The following RABGAP1L variants were observed in gnomAD, a reference collection of about 807,000 sequenced individuals.
RABGAP1L encodes RAB GTPase activating protein 1 like, also known as rab GTPase-activating protein 1-like.
In RABGAP1L, 63 loss-of-function variants were observed where a neutral mutation model predicts 137.7. The observed-to-expected ratio is 0.46, with a 90% CI of 0.37 to 0.56. The LOEUF is 0.56. Among genes scored for constraint, RABGAP1L ranks in the 20% least tolerant of loss-of-function variants. The pLI, the probability that RABGAP1L is intolerant of heterozygous loss-of-function variation, is 0.00. For missense variants in RABGAP1L, 1,095 were observed against 1,244.0 expected, an observed-to-expected ratio of 0.88 and a Z score of 1.80; for synonymous variants, 431 against 433.7, an observed-to-expected ratio of 0.99 and a Z score of 0.08.
At chr1:174,799,407 T>G (rs1688528890) in intron 18 of RABGAP1L, among the ~76,000 whole-genome samples, 1 of 152,220 alleles carries the variant, frequency 6.6e-6, no homozygotes, top group Non-Finnish European at 1.5e-5. Context: ...TAATAAGGAT[T>G]GGAACATCCC....
chr1:174,231,361 C>G lies in RABGAP1L; in HGVS notation c.542+6C>G. On this transcript the variant is annotated splice_donor_region_variant and intron_variant, in intron 4 of 25. Coordinates refer to ENST00000681986, the MANE Select transcript of RABGAP1L (RefSeq NM_001366446.1). ...GTTCCAGAAGGTTCTGTGAGGTAAG[C>G]TCTAATTTGTTTTTCTTTAGACACA... The G allele has an allele frequency of 6.2e-7, 1 of 1,611,600 alleles. No homozygotes were observed.
At chr1:174,546,508 C>G (rs1358523783) in intron 13 of RABGAP1L, among the ~76,000 whole-genome samples, 1 of 152,148 alleles carries the variant, frequency 6.6e-6, no homozygotes, top group Non-Finnish European at 1.5e-5. Context: ...AGATAACACC[C>G]AGTTCTGTAC....
intron 19 of RABGAP1L, among the ~76,000 whole-genome samples, chr1:174,848,808 C>T (rs1178740002): frequency 2.6e-4 from 40 of 151,272 alleles, no homozygotes; most frequent in Admixed American, 2.6e-3. Flanking sequence ...TGGGCAATGG[C>T]GGGCGCCCCT....
intron 15 of RABGAP1L, among the ~76,000 whole-genome samples, chr1:174,698,642 C>T (rs1679427738): frequency 6.6e-6 from 1 of 151,644 alleles, no homozygotes; most frequent in Non-Finnish European, 1.5e-5. Flanking sequence ...AGCTATAGTA[C>T]TTTTATATAA....
chr1:174,702,713 G>C (rs1679750649), intron 17 of RABGAP1L, among the ~76,000 whole-genome samples: 1 of 152,014 alleles, frequency 6.6e-6, no homozygotes, highest in Admixed American at 6.6e-5. Flanking sequence ...GAAATGATGA[G>C]ACAAATGATA....
intron 1 of RABGAP1L, among the ~76,000 whole-genome samples, chr1:174,201,394 C>G (rs1050744371): frequency 2.6e-5 from 4 of 151,878 alleles, no homozygotes; most frequent in Admixed American, 2.6e-4. Flanking sequence ...GATGGAGTTT[C>G]ACCATGTTGG....
intron 17 of RABGAP1L, among the ~76,000 whole-genome samples, chr1:174,743,578 CCCT>C (rs1394227353): frequency 6.6e-6 from 1 of 151,954 alleles, no homozygotes; most frequent in Non-Finnish European, 1.5e-5. Flanking sequence ...TCAACAAACC[CCCT>C]ATGTCACAAG....
rs1423880857 is a variant in RABGAP1L, at chr1:174,448,987, C to T, written c.1710+54842C>T. 1.9e-6 allele frequency: 3 copies of T among 1,613,348 alleles called. No individual in the cohort carries two copies. Among genetic ancestry groups the T allele is most frequent in the Non-Finnish European group, 2.5e-6 (3 of 1,179,428 alleles). On this transcript the variant is annotated intron_variant, in intron 13 of 25. Coordinates refer to ENST00000681986, the MANE Select transcript of RABGAP1L (RefSeq NM_001366446.1). The surrounding 1 kb of genome is among the most constrained non-coding windows in gnomAD (Gnocchi z 4.2). Reference sequence around the variant, plus strand: ...ACTTTCTTCTAGAAAGCTCCCGGGTCTTGGACAATCCAACTCTGTCCTTCT... The same window carrying T: ...ACTTTCTTCTAGAAAGCTCCCGGGTTTTGGACAATCCAACTCTGTCCTTCT...
chr1:174,743,881 C>T (rs1276949508), intron 17 of RABGAP1L, among the ~76,000 whole-genome samples: 1 of 151,436 alleles, frequency 6.6e-6, no homozygotes, highest in East Asian at 1.9e-4. Context: ...ATTCACTAGT[C>T]ATTTATGAAA....
At chr1:174,731,760 AC>A (rs1682496768) in intron 17 of RABGAP1L, among the ~76,000 whole-genome samples, 2 of 152,228 alleles carry the variant, frequency 1.3e-5, no homozygotes, top group Admixed American at 6.5e-5. Flanking sequence ...TGGTTTTCAG[AC>A]TGTGTCATGG....
rs1280581996 is a variant in RABGAP1L, at chr1:174,631,795, G to A, written c.1711-5580G>A. Among the ~76,000 whole-genome samples, 388 of 150,626 alleles carry A rather than the reference G, an allele frequency of 2.6e-3. 1 individual carries two copies. The highest frequency in any genetic ancestry group is 8.4e-3 in the African/African-American group (342 of 40,888). On this transcript the variant is annotated intron_variant, in intron 13 of 25. Coordinates refer to ENST00000681986, the MANE Select transcript of RABGAP1L (RefSeq NM_001366446.1). ...TTTGAGCCTATGTATGTCTCTGCAC[G>A]TGAGATGGGTTTCCTGAATACAGCA...
chr1:174,642,483 A>G (rs986751341), intron 14 of RABGAP1L, among the ~76,000 whole-genome samples: 3 of 152,110 alleles, frequency 2.0e-5, no homozygotes, highest in African/African-American at 7.2e-5. Context: ...CATAGGGGGT[A>G]TTTGTGATTA....
chr1:174,303,776 T>G (rs537545073), intron 10 of RABGAP1L, among the ~76,000 whole-genome samples: 7 of 152,284 alleles, frequency 4.6e-5, no homozygotes, highest in Non-Finnish European at 7.4e-5. Flanking sequence ...GCAGATGAAA[T>G]ATTTTACCAC....
intron 19 of RABGAP1L, among the ~76,000 whole-genome samples, chr1:174,853,824 G>C (rs1558151843): frequency 1.3e-5 from 2 of 152,168 alleles, no homozygotes; most frequent in Admixed American, 6.5e-5. Context: ...CTCTTGATGA[G>C]CTTTGCTAAA....
intron 18 of RABGAP1L, among the ~76,000 whole-genome samples, chr1:174,756,284 G>A (rs1684749082): frequency 6.6e-6 from 1 of 151,984 alleles, no homozygotes; most frequent in Admixed American, 6.6e-5. Context: ...TGAGTGGCTG[G>A]GATTACAAGT....
intron 13 of RABGAP1L, among the ~76,000 whole-genome samples, chr1:174,581,903 C>T (rs1241891578): frequency 6.6e-6 from 1 of 152,010 alleles, no homozygotes; most frequent in Non-Finnish European, 1.5e-5. Context: ...TATGGTAATT[C>T]CTAGATTTCT....
At chr1:174,768,745 C>CT (rs1685871519) in intron 18 of RABGAP1L, among the ~76,000 whole-genome samples, 1 of 152,224 alleles carries the variant, frequency 6.6e-6, no homozygotes, top group Admixed American at 6.5e-5. Context: ...ACTTTACTTC[C>CT]TTTCATTCCT....
intron 13 of RABGAP1L, among the ~76,000 whole-genome samples, chr1:174,455,373 G>T (rs1655928949): frequency 6.6e-6 from 1 of 152,192 alleles, no homozygotes; most frequent in East Asian, 1.9e-4. Flanking sequence ...TGTAAATAAG[G>T]TTGATGCCAG....
chr1:174,614,951 A>T (rs796298961), intron 13 of RABGAP1L, among the ~76,000 whole-genome samples: 2 of 151,882 alleles, frequency 1.3e-5, no homozygotes, highest in South Asian at 2.1e-4. Flanking sequence ...GCACTTCTCT[A>T]TATTGGTTAT....
Sources: gnomAD v4.1 joint callset for allele counts (sites outside exome capture counted in the v4.1 genomes callset) on GRCh38, gnomAD v4.1.1 for gene constraint, Gnocchi (gnomAD v3.1) non-coding constraint, MANE v1.5 for transcripts, NCBI Gene and HGNC (gene_info 2026-07-23, HGNC 2026-07-21) for gene names.